The following UQCRC2 variants were observed in gnomAD, a reference collection of about 807,000 sequenced individuals.
UQCRC2 encodes the protein ubiquinol-cytochrome c reductase core protein 2.
UQCRC2 carries 49 observed loss-of-function variants against 55.6 expected under a neutral mutation model. That is an observed-to-expected ratio of 0.88 (90% confidence interval 0.70 to 1.12). The LOEUF is 1.12. Among genes scored for constraint, UQCRC2 ranks in the 50% most tolerant of loss-of-function variants. The pLI, the probability that UQCRC2 is intolerant of heterozygous loss-of-function variation, is 0.00. For missense variants in UQCRC2, 506 were observed against 547.8 expected (o/e 0.92, Z 0.76); for synonymous variants, 193 against 192.0 (o/e 1.01, Z -0.04).
chr16:21,954,947 C>T (rs921526094), intron 1 of UQCRC2, among the ~76,000 whole-genome samples: 22 of 148,316 alleles, frequency 1.5e-4, no homozygotes, highest in Non-Finnish European at 3.1e-4. Flanking sequence ...CCCAGCTACT[C>T]AGGAGGCTGA....
intron 1 of UQCRC2, among the ~76,000 whole-genome samples, chr16:21,955,742 G>A (rs1222269104): frequency 6.6e-6 from 1 of 152,132 alleles, no homozygotes; most frequent in South Asian, 2.1e-4. Flanking sequence ...ACCTTTGGTT[G>A]TGTGGTCTTA....
At chr16:21,961,351 G>C in intron 4 of UQCRC2, 1 of 446,384 alleles carries the variant, frequency 2.2e-6, no homozygotes, top group Non-Finnish European at 4.5e-6. Context: ...GTATGACAGA[G>C]TCATGATGAG....
At chr16:21,971,439 C>T (rs1164778923) in intron 8 of UQCRC2, 86 bp from the exon 9 acceptor site, 9 of 1,120,806 alleles carry the variant, frequency 8.0e-6, no homozygotes, top group African/African-American at 1.6e-5. Context: ...ATTTTACAAT[C>T]GTATTTTTAA....
At chr16:21,983,002 T>A in intron 13 of UQCRC2, 86 bp from the exon 14 acceptor site, 1 of 1,185,258 alleles carries the variant, frequency 8.4e-7, no homozygotes, top group Non-Finnish European at 1.2e-6. Context: ...TATCCATAAA[T>A]TCTTGAAATG....
In UQCRC2 at chr16:21,975,317, GGAAGA is replaced by G. The variant is rs1417098730; in HGVS notation, c.1048-849_1048-845del. Among the ~76,000 whole-genome samples, 3 of 152,144 alleles carry G rather than the reference GGAAGA, an allele frequency of 2.0e-5. No individual in the cohort carries two copies. In the East Asian group the frequency reaches 5.8e-4, roughly 29 times the overall value. ...AAGGAACTAGAGATCTTGATAAAGTGGAAGAATAAGGATAGTGAGATTAAAGACTG... is the reference window on the plus strand; with the variant it reads ...AAGGAACTAGAGATCTTGATAAAGTGATAAGGATAGTGAGATTAAAGACTG... On this transcript the variant is annotated intron_variant, in intron 11 of 13. Transcript: ENST00000268379.
At chr16:21,958,392 G>A in intron 3 of UQCRC2, 143 bp from the exon 4 acceptor site, 1 of 738,500 alleles carries the variant, frequency 1.4e-6, no homozygotes. Flanking sequence ...GTTGAGCCTT[G>A]TTTTATAATT....
chr16:21,961,898 C>A (rs1290068321), intron 4 of UQCRC2, among the ~76,000 whole-genome samples: 1 of 151,828 alleles, frequency 6.6e-6, no homozygotes, highest in South Asian at 2.1e-4. Flanking sequence ...AGTGATCCGC[C>A]CACCTCGGCC....
chr16:21,978,506 C>T (rs914220764), intron 12 of UQCRC2, among the ~76,000 whole-genome samples: 1 of 152,164 alleles, frequency 6.6e-6, no homozygotes, highest in Non-Finnish European at 1.5e-5. Context: ...AAGACCTGTA[C>T]TGCCCTTCCC....
intron 12 of UQCRC2, among the ~76,000 whole-genome samples, chr16:21,979,939 A>G (rs1898675532): frequency 6.6e-6 from 1 of 152,242 alleles, no homozygotes; most frequent in Non-Finnish European, 1.5e-5. Flanking sequence ...GATATGCAGT[A>G]CATGAGATAA....
chr16:21,961,988 G>A (rs1191411132), intron 4 of UQCRC2, among the ~76,000 whole-genome samples: 1 of 151,856 alleles, frequency 6.6e-6, no homozygotes, highest in East Asian at 1.9e-4. Context: ...CAGTTAAGTG[G>A]CATTCAGCAA....
At chr16:21,968,593 TA>T in intron 7 of UQCRC2, 34 bp from the exon 8 acceptor site, 1 of 1,527,922 alleles carries the variant, frequency 6.5e-7, no homozygotes, top group Middle Eastern at 2.0e-4. Context: ...ATATTTATGC[TA>T]ATATAACCTA....
intron 1 of UQCRC2, among the ~76,000 whole-genome samples, 159 bp from the exon 2 acceptor site, chr16:21,957,076 A>G (rs542751971): frequency 6.6e-6 from 1 of 152,006 alleles, no homozygotes; most frequent in African/African-American, 2.4e-5. Context: ...CTCAAAAAAA[A>G]AAAAAAAATG....
At position 21,980,712 on chromosome 16, in the gene UQCRC2, A is replaced by C; in HGVS notation, c.1278+12A>C. ...CTGATATCATAAATGTAAGTAAATG[A>C]AAACTTAACGATTTAACAACAGAGA... On this transcript the variant is annotated intron_variant, in intron 13 of 13. Coordinates refer to ENST00000268379, the MANE Select transcript of UQCRC2 (RefSeq NM_003366.4). 1 of 1,612,426 alleles carries C rather than the reference A, an allele frequency of 6.2e-7. No individual in the cohort carries two copies. The highest frequency in any genetic ancestry group is 2.2e-5 in the East Asian group (1 of 44,866).
intron 4 of UQCRC2, among the ~76,000 whole-genome samples, chr16:21,958,984 C>A (rs905157532): frequency 6.6e-6 from 1 of 152,160 alleles, no homozygotes; most frequent in Non-Finnish European, 1.5e-5. Flanking sequence ...AAAAAAAGTA[C>A]ATAACCTTAA....
Position 21,971,548 on chromosome 16 carries a change from CAAGTTGCTG to C in UQCRC2, c.697_705del (p.Val233_Glu235del), listed in dbSNP as rs778594446. 10 of 1,613,932 alleles carry C rather than the reference CAAGTTGCTG, an allele frequency of 6.2e-6. No individual in the cohort carries two copies. In the Admixed American group the frequency reaches 1.7e-4, roughly 27 times the overall value. Reference sequence around the variant, plus strand: ...AGGTGTGAGTCATCCTGTTCTAAAGCAAGTTGCTGAACAGTTTCTCAACATGAGGGGTGG... The same window carrying C: ...AGGTGTGAGTCATCCTGTTCTAAAGCAACAGTTTCTCAACATGAGGGGTGG... On this transcript the variant is annotated inframe_deletion, in exon 9 of 14. Coordinates refer to ENST00000268379, the MANE Select transcript of UQCRC2 (RefSeq NM_003366.4).
chr16:21,965,316 A>G (rs148190156), intron 6 of UQCRC2, 92 bp from the exon 7 acceptor site: 1 of 1,261,438 alleles, frequency 7.9e-7, no homozygotes, highest in African/African-American at 1.5e-5. Flanking sequence ...GAAGATGACC[A>G]AATTTGTATA....
At chr16:21,971,260 A>T (rs1263033798) in intron 8 of UQCRC2, among the ~76,000 whole-genome samples, 1 of 152,228 alleles carries the variant, frequency 6.6e-6, no homozygotes, top group Non-Finnish European at 1.5e-5. Flanking sequence ...CAATAGAATG[A>T]TACCATTTTA....
chr16:21,960,882 G>A (rs1898183022), intron 4 of UQCRC2, among the ~76,000 whole-genome samples: 1 of 152,106 alleles, frequency 6.6e-6, no homozygotes, highest in Non-Finnish European at 1.5e-5. Flanking sequence ...CCAGGCTGGA[G>A]TGGAGTGGTG....
At chr16:21,970,018 C>T (rs1267866032) in intron 8 of UQCRC2, among the ~76,000 whole-genome samples, 1 of 152,074 alleles carries the variant, frequency 6.6e-6, no homozygotes, top group African/African-American at 2.4e-5. Flanking sequence ...TACTTTGTCT[C>T]TATAGATTTG....
Sources: allele counts gnomAD v4.1 joint callset (sites outside exome capture counted in the v4.1 genomes callset), GRCh38; gene constraint gnomAD v4.1.1; transcripts MANE v1.5; gene names NCBI Gene and HGNC (gene_info 2026-07-23, HGNC 2026-07-21).